Variants in SHISA9 observed in about 807,000 individuals in gnomAD.
SHISA9 encodes the protein shisa family member 9, also known as protein shisa-9.
In SHISA9, 13 loss-of-function variants were observed where a neutral mutation model predicts 38.0. The ratio of observed to expected loss-of-function variants is 0.34; its 90% CI spans 0.22 to 0.54. SHISA9 has a LOEUF of 0.54. Among genes scored for constraint, SHISA9 ranks in the 20% least tolerant of loss-of-function variants. SHISA9 has a pLI of 0.91. For missense variants in SHISA9, 538 were observed against 575.8 expected (o/e 0.93, Z 0.67); for synonymous variants, 275 against 242.0 (o/e 1.14, Z -1.27).
chr16:13,148,662 C>T (rs1168790818), intron 2 of SHISA9, among the ~76,000 whole-genome samples: 1 of 146,046 alleles, frequency 6.8e-6, no homozygotes, highest in African/African-American at 2.6e-5. Context: ...CCACTCTTCA[C>T]ATCCTCATTC....
At chr16:13,492,803 A>G in the SHISA9 span, among the ~76,000 whole-genome samples, 3 of 152,370 alleles carry the variant, frequency 2.0e-5, no homozygotes, top group African/African-American at 7.2e-5. Context: ...GAGACATTTA[A>G]GCTGAGATTT....
intron 2 of SHISA9, among the ~76,000 whole-genome samples, chr16:13,162,528 A>G (rs2142013860): frequency 6.6e-6 from 1 of 152,230 alleles, no homozygotes; most frequent in Non-Finnish European, 1.5e-5. Flanking sequence ...CTTGACTGAT[A>G]CTCCAAATTC....
intron 2 of SHISA9, among the ~76,000 whole-genome samples, chr16:13,005,358 T>C (rs987834961): frequency 1.3e-5 from 2 of 151,906 alleles, no homozygotes; most frequent in East Asian, 3.9e-4. Context: ...GATGCTGGGG[T>C]ATGGGTGAAG....
chr16:13,317,818 C>T, the SHISA9 span, among the ~76,000 whole-genome samples: 36 of 152,290 alleles, frequency 2.4e-4, no homozygotes, highest in Middle Eastern at 3.4e-3. Context: ...ATGCCTACAA[C>T]TTCATGATTT....
At chr16:13,360,490 T>C in the SHISA9 span, among the ~76,000 whole-genome samples, 25 of 152,288 alleles carry the variant, frequency 1.6e-4, no homozygotes, top group Non-Finnish European at 2.8e-4. Flanking sequence ...CTGATGTTTT[T>C]ATAATGGGCT....
chr16:13,060,339 C>G (rs2073359655), intron 2 of SHISA9, among the ~76,000 whole-genome samples: 1 of 152,170 alleles, frequency 6.6e-6, no homozygotes, highest in East Asian at 1.9e-4. Flanking sequence ...TTGGAAGGAG[C>G]AGACTGGGAT....
chr16:13,052,766 A>T (rs75324642), intron 2 of SHISA9, among the ~76,000 whole-genome samples: 9,182 of 151,846 alleles, frequency 0.06, 562 homozygotes, highest in East Asian at 0.17. Context: ...AAACAGATTT[A>T]AAAAAAATGC....
chr16:13,200,440 A>ACACACACACACACACACACAG (rs201359350), intron 2 of SHISA9, among the ~76,000 whole-genome samples: 16 of 150,144 alleles, frequency 1.1e-4, no homozygotes, highest in African/African-American at 3.5e-4. Context: ...ACACACACAC[A>ACACACACACACACACACACAG]CAGCAGCAGC....
chr16:13,497,360 C>T, the SHISA9 span, among the ~76,000 whole-genome samples: 1 of 152,010 alleles, frequency 6.6e-6, no homozygotes, highest in Admixed American at 6.6e-5. Context: ...CTAAAAGCAA[C>T]CCAGGTATCC....
At chr16:13,370,286 C>G in the SHISA9 span, among the ~76,000 whole-genome samples, 1 of 152,116 alleles carries the variant, frequency 6.6e-6, no homozygotes, top group Non-Finnish European at 1.5e-5. Flanking sequence ...ATACAAACCT[C>G]AGTGGGAAAT....
At chr16:13,183,961 A>G (rs71390327) in intron 2 of SHISA9, among the ~76,000 whole-genome samples, 17,867 of 151,582 alleles carry the variant, frequency 0.12, 1,094 homozygotes, top group Middle Eastern at 0.19. Flanking sequence ...GCGGACAGAA[A>G]CTCTTATTAC....
the SHISA9 span, among the ~76,000 whole-genome samples, chr16:13,385,375 C>G: frequency 6.6e-6 from 1 of 152,102 alleles, no homozygotes; most frequent in South Asian, 2.1e-4. Flanking sequence ...CATAGTAGCC[C>G]CAAACGGAAG....
chr16:12,976,325 A>C (rs2072161005), intron 2 of SHISA9, among the ~76,000 whole-genome samples: 1 of 152,110 alleles, frequency 6.6e-6, no homozygotes, highest in Non-Finnish European at 1.5e-5. Context: ...TCCTGGCCTC[A>C]AGTGATCTGC....
intron 1 of SHISA9, chr16:12,910,518 T>A (rs2071168292): frequency 1.0e-6 from 1 of 985,344 alleles, no homozygotes; most frequent in African/African-American, 1.7e-5. Context: ...GTTCTAGTAC[T>A]AGCTTTCATA....
chr16:13,495,558 C>A, the SHISA9 span, among the ~76,000 whole-genome samples: 2 of 151,970 alleles, frequency 1.3e-5, no homozygotes. Context: ...TTTTTATATT[C>A]TTCTATGTAT....
intron 2 of SHISA9, among the ~76,000 whole-genome samples, chr16:13,178,842 TTTGTTG>T (rs147399036): frequency 0.33 from 49,498 of 151,514 alleles, 8,510 homozygotes; most frequent in African/African-American, 0.43. Flanking sequence ...AGGCCAGGTT[TTTGTTG>T]TTGTTGTTGT....
intron 2 of SHISA9, among the ~76,000 whole-genome samples, chr16:13,077,456 C>T (rs1330827556): frequency 1.3e-5 from 2 of 152,044 alleles, no homozygotes; most frequent in Non-Finnish European, 2.9e-5. Flanking sequence ...GCTCCTTGTA[C>T]CAGGTGATGC....
At chr16:13,204,202 G>GTCTA (rs1555471114) in intron 3 of SHISA9, among the ~76,000 whole-genome samples, 1 of 111,298 alleles carries the variant, frequency 9.0e-6, no homozygotes, top group Non-Finnish European at 2.0e-5. Context: ...CCTATTATCT[G>GTCTA]TCTGTCTGTC....
chr16:12,951,658 A>G (rs928500347), intron 2 of SHISA9, among the ~76,000 whole-genome samples: 2 of 152,136 alleles, frequency 1.3e-5, no homozygotes, highest in African/African-American at 4.8e-5. Flanking sequence ...CCTGCCTGGT[A>G]AAAGGATCTG....
Sources: gnomAD v4.1 joint callset for allele counts (sites outside exome capture counted in the v4.1 genomes callset) on GRCh38, gnomAD v4.1.1 for gene constraint, MANE v1.5 for transcripts, NCBI Gene and HGNC (gene_info 2026-07-23, HGNC 2026-07-21) for gene names.